The following KCND3 variants were observed in gnomAD, a reference collection of about 807,000 sequenced individuals.
KCND3 encodes A-type voltage-gated potassium channel KCND3.
In KCND3, 9 loss-of-function variants were observed where a neutral mutation model predicts 51.1. That is an observed-to-expected ratio of 0.18 (90% CI 0.11 to 0.31). The LOEUF is 0.31. Ranked by LOEUF, KCND3 falls within the 10% of genes least tolerant of loss-of-function variation. The pLI, the probability that KCND3 is intolerant of heterozygous loss-of-function variation, is 1.00. For missense variants in KCND3, 526 were observed against 903.8 expected, an observed-to-expected ratio of 0.58 and a Z score of 5.36; for synonymous variants, 349 against 368.0, an observed-to-expected ratio of 0.95 and a Z score of 0.59.
intron 2 of KCND3, among the ~76,000 whole-genome samples, chr1:111,845,799 C>T (rs1482922361): frequency 6.6e-6 from 1 of 152,190 alleles, no homozygotes; most frequent in Non-Finnish European, 1.5e-5. Flanking sequence ...GGGATTTGAA[C>T]CTAGTGAGCC....
intron 2 of KCND3, among the ~76,000 whole-genome samples, chr1:111,974,781 A>G (rs1374269063): frequency 6.6e-6 from 1 of 152,238 alleles, no homozygotes; most frequent in Non-Finnish European, 1.5e-5. Flanking sequence ...GGGAAACCCA[A>G]ACAAAACCAA....
chr1:111,818,699 G>A (rs1175692337), intron 2 of KCND3, among the ~76,000 whole-genome samples: 2 of 152,286 alleles, frequency 1.3e-5, no homozygotes, highest in South Asian at 4.1e-4. Flanking sequence ...TCCATGCCCT[G>A]GGTGGCTAGA....
chr1:111,801,451 A>C (rs1033996097), intron 2 of KCND3, among the ~76,000 whole-genome samples: 42 of 152,230 alleles, frequency 2.8e-4, no homozygotes, highest in African/African-American at 1.0e-3. Context: ...CCTGAGGTTC[A>C]GTCCTGCCTC....
At chr1:111,842,055 G>A (rs1667345751) in intron 2 of KCND3, among the ~76,000 whole-genome samples, 1 of 152,334 alleles carries the variant, frequency 6.6e-6, no homozygotes. Flanking sequence ...CCTGGAGAGA[G>A]GGAAGGCAGC....
chr1:111,892,196 C>G (rs1669863748), intron 2 of KCND3, among the ~76,000 whole-genome samples: 1 of 152,180 alleles, frequency 6.6e-6, no homozygotes, highest in Admixed American at 6.5e-5. Flanking sequence ...GGCAGAGCAA[C>G]ACAGGCTGAG....
At chr1:111,789,289 G>A (rs1164983022) in intron 2 of KCND3, among the ~76,000 whole-genome samples, 1 of 152,222 alleles carries the variant, frequency 6.6e-6, no homozygotes, top group Non-Finnish European at 1.5e-5. Context: ...CAGTGAGAAA[G>A]CCGAACAATC....
chr1:111,804,314 G>C (rs1463065595), intron 2 of KCND3, among the ~76,000 whole-genome samples: 1 of 152,258 alleles, frequency 6.6e-6, no homozygotes, highest in Admixed American at 6.5e-5. Context: ...AGGCAGGAAA[G>C]AGGCAGGTGG....
chr1:111,857,761 C>T (rs1221583710), intron 2 of KCND3, among the ~76,000 whole-genome samples: 1 of 151,830 alleles, frequency 6.6e-6, no homozygotes, highest in African/African-American at 2.4e-5. Context: ...CTCTGATCCC[C>T]CTATCTAAAG....
At chr1:111,934,183 G>T (rs1672105279) in intron 2 of KCND3, among the ~76,000 whole-genome samples, 1 of 152,130 alleles carries the variant, frequency 6.6e-6, no homozygotes, top group African/African-American at 2.4e-5. Flanking sequence ...GTGGGAGGTG[G>T]GAGGCAGGGT....
intron 2 of KCND3, among the ~76,000 whole-genome samples, chr1:111,875,049 A>G (rs1166941470): frequency 6.6e-6 from 1 of 152,192 alleles, no homozygotes; most frequent in Non-Finnish European, 1.5e-5. Context: ...TGTCCCGAGG[A>G]GACGCTTTGG....
chr1:111,890,772 A>T (rs1253460851), intron 2 of KCND3, among the ~76,000 whole-genome samples: 2 of 152,126 alleles, frequency 1.3e-5, no homozygotes, highest in Non-Finnish European at 2.9e-5. Flanking sequence ...GTAGACCTGG[A>T]GAGTGTGGTG....
chr1:111,878,751 C>T (rs1265297109), intron 2 of KCND3, among the ~76,000 whole-genome samples: 1 of 152,204 alleles, frequency 6.6e-6, no homozygotes, highest in Non-Finnish European at 1.5e-5. Context: ...GCAGAGTTAG[C>T]TGTACCAGGC....
At chr1:111,961,042 C>T (rs371246083) in intron 2 of KCND3, among the ~76,000 whole-genome samples, 8 of 152,310 alleles carry the variant, frequency 5.3e-5, no homozygotes, top group South Asian at 2.1e-4. Context: ...GCTCTTGTCC[C>T]GGAGAAGAGA....
chr1:111,855,224 C>T (rs1306991612), intron 2 of KCND3, among the ~76,000 whole-genome samples: 2 of 152,246 alleles, frequency 1.3e-5, no homozygotes, highest in African/African-American at 4.8e-5. Flanking sequence ...GGCTGCTTCT[C>T]AATCCTGCAG....
intron 2 of KCND3, among the ~76,000 whole-genome samples, chr1:111,815,422 C>T (rs926358874): frequency 1.3e-5 from 2 of 151,680 alleles, no homozygotes; most frequent in African/African-American, 4.8e-5. Context: ...GGTTGGACTT[C>T]CATGTCTGTC....
chr1:111,872,188 T>C (rs1375317210), intron 2 of KCND3, among the ~76,000 whole-genome samples: 1 of 152,182 alleles, frequency 6.6e-6, no homozygotes, highest in Admixed American at 6.5e-5. Context: ...ATCCCCACTT[T>C]ACAGGTAAGA....
chr1:111,860,501 G>A (rs1482135093), intron 2 of KCND3, among the ~76,000 whole-genome samples: 1 of 152,136 alleles, frequency 6.6e-6, no homozygotes, highest in African/African-American at 2.4e-5. Context: ...GAGAGGGAGA[G>A]GAATTTGGAG....
rs1264507872 is a variant in KCND3, at chr1:111,772,025, A to C, written c.*4052T>G. 1 of 152,252 alleles carries C rather than the reference A, an allele frequency of 6.6e-6. No homozygotes were observed. Among genetic ancestry groups the C allele is most frequent in the Non-Finnish European group, 1.5e-5 (1 of 68,050 alleles). The allele number at this position is 152,252 out of a possible 1,614,324, so 9.4% of individuals were successfully genotyped here. A position where few individuals can be genotyped will look rare whatever the true frequency, so the allele number is the denominator to read the frequency against. On this transcript the variant is annotated 3_prime_UTR_variant, in exon 8 of 8. Transcript: ENST00000302127. Reference sequence around the variant, plus strand: ...GCAAGCCTCAGAGCAGTGCAATATAATGTGGAGGAAAAATCCTAGGACAAG... The same window carrying C: ...GCAAGCCTCAGAGCAGTGCAATATACTGTGGAGGAAAAATCCTAGGACAAG...
Position 111,982,246 on chromosome 1 carries a change from G to T in KCND3, c.481C>A (p.Pro161Thr). The T allele has an allele frequency of 1.2e-6, 2 of 1,614,102 alleles. No homozygotes were observed. Among genetic ancestry groups the T allele is most frequent in the African/African-American group, 1.3e-5 (1 of 75,012 alleles). ...NDSENNQESM[P>T]SLSFRQTMWR... ...ATGGTCTGGCGGAAGCTGAGCGAGG[G>T]CATGGACTCCTGGTTGTTCTCCGAG... Residue 161 changes from proline (P) to threonine (T), a missense_variant, in exon 2 of 8, where the codon CCC becomes ACC. Pro to Thr is a conservative substitution (Grantham distance 38). This residue lies in a region of KCND3 where 159 missense variants were observed against 262.8 expected (regional missense o/e 0.61). Transcript: ENST00000302127. This position sits in a 1 kb window ranked among gnomAD's most constrained non-coding sequence, Gnocchi z 8.5.
Sources: gnomAD v4.1 joint callset for allele counts (sites outside exome capture counted in the v4.1 genomes callset) on GRCh38, gnomAD v4.1.1 for gene constraint, gnomAD v4.1.1 regional missense constraint, Gnocchi (gnomAD v3.1) non-coding constraint, MANE v1.5 for transcripts, NCBI Gene and HGNC (gene_info 2026-07-23, HGNC 2026-07-21) for gene names.